The following DNAH14 variants were observed in gnomAD, a reference collection of about 807,000 sequenced individuals.
DNAH14 encodes the protein axonemal beta dynein heavy chain 14.
Under a neutral mutation model 520.9 loss-of-function variants are expected in DNAH14, and 478 were observed. The ratio of observed to expected loss-of-function variants is 0.92; its 90% CI spans 0.85 to 0.99. The LOEUF is 0.99. DNAH14 is among the 50% of genes least tolerant of loss of function. DNAH14 has a pLI of 0.00. For missense variants in DNAH14, 4,831 were observed against 5,234.5 expected (o/e 0.92, Z 2.38); for synonymous variants, 1,581 against 1,757.2 (o/e 0.90, Z 2.51).
intron 1 of DNAH14, among the ~76,000 whole-genome samples, chr1:224,950,555 A>G (rs1200145619): frequency 6.6e-6 from 1 of 152,202 alleles, no homozygotes. Context: ...CAGTTTGATT[A>G]GTAATGAGTT....
intron 84 of DNAH14, 113 bp from the exon 85 acceptor site, chr1:225,398,407 A>G: frequency 7.6e-7 from 1 of 1,313,018 alleles, no homozygotes; most frequent in East Asian, 2.5e-5. Context: ...TTGGGGCAAC[A>G]TGCCTTAGGC....
intron 8 of DNAH14, among the ~76,000 whole-genome samples, chr1:225,001,647 A>G (rs1173438079): frequency 6.6e-6 from 1 of 152,136 alleles, no homozygotes; most frequent in African/African-American, 2.4e-5. Context: ...ATGCAAACCA[A>G]AATTTAATAC....
intron 10 of DNAH14, 125 bp from the exon 11 acceptor site, chr1:225,023,490 G>C: frequency 1.5e-6 from 1 of 669,044 alleles, no homozygotes; most frequent in Non-Finnish European, 2.3e-6. Context: ...TTTGCTTGAG[G>C]TATTAAAATA....
chr1:225,357,685 T>C (rs2095445713), intron 73 of DNAH14: 1 of 658,538 alleles, frequency 1.5e-6, no homozygotes, highest in South Asian at 1.8e-5. Flanking sequence ...AAATGTGCTG[T>C]GTTAAACATA....
intron 41 of DNAH14, among the ~76,000 whole-genome samples, chr1:225,224,438 T>G (rs368587799): frequency 6.6e-6 from 1 of 152,124 alleles, no homozygotes; most frequent in Non-Finnish European, 1.5e-5. Context: ...ATTATCTCCC[T>G]ATATCCAGCT....
At position 225,172,240 on chromosome 1, in the gene DNAH14, A is replaced by G. The variant is rs865832900; in HGVS notation, c.5535+4212A>G. On this transcript the variant is annotated intron_variant, in intron 36 of 85. Transcript: ENST00000682510. ...CCCTCTCTCACCACTCCTATTCAAC[A>G]TAGTGTTGGCAGTTCTGGCCAGGAT... Among the ~76,000 whole-genome samples, 16 of 152,130 alleles carry G rather than the reference A, an allele frequency of 1.1e-4. No homozygotes were observed. The East Asian group carries it at 1.4e-3, about 13-fold the overall frequency.
Position 225,338,206 on chromosome 1 carries a change from G to C in DNAH14, c.10433+24G>C, listed in dbSNP as rs1438639562. The C allele has an allele frequency of 3.2e-6, 5 of 1,551,732 alleles. No individual in the cohort carries two copies. In the East Asian group the frequency reaches 1.2e-4, roughly 38 times the overall value. On this transcript the variant is annotated intron_variant, in intron 68 of 85. Transcript: ENST00000682510. ...AGGTAATGTGCCACAGCTAAATTGA[G>C]TCAAATGTCTATGCTTTTTAAGATA...
At chr1:225,012,065 G>A (rs1029395064) in intron 10 of DNAH14, among the ~76,000 whole-genome samples, 2 of 151,956 alleles carry the variant, frequency 1.3e-5, no homozygotes, top group Admixed American at 6.5e-5. Context: ...TTACAATTTG[G>A]CATGTTTTTG....
At chr1:225,124,407 T>C (rs1177142014) in intron 27 of DNAH14, among the ~76,000 whole-genome samples, 1 of 152,226 alleles carries the variant, frequency 6.6e-6, no homozygotes, top group Non-Finnish European at 1.5e-5. Flanking sequence ...TCTCAAACTC[T>C]GCCGCTGCTT....
intron 85 of DNAH14, 137 bp from the exon 86 acceptor site, chr1:225,398,917 A>G (rs1164153839): frequency 3.6e-6 from 3 of 832,680 alleles, no homozygotes; most frequent in East Asian, 5.3e-5. Context: ...TAATTTCCAC[A>G]TGCTGTTACA....
At chr1:224,988,738 T>C (rs991824167) in intron 8 of DNAH14, among the ~76,000 whole-genome samples, 3 of 152,212 alleles carry the variant, frequency 2.0e-5, no homozygotes, top group Admixed American at 1.3e-4. Context: ...CTCAAGCTCC[T>C]GTATGCAAGC....
At chr1:225,206,920 A>G (rs1198258066) in intron 40 of DNAH14, 48 bp from the exon 41 acceptor site, 2 of 1,377,368 alleles carry the variant, frequency 1.5e-6, no homozygotes, top group Non-Finnish European at 9.5e-7. Flanking sequence ...GAAGGATACC[A>G]TATTTTTATT....
At chr1:225,111,045 T>A (rs1449491903) in intron 23 of DNAH14, among the ~76,000 whole-genome samples, 1 of 152,122 alleles carries the variant, frequency 6.6e-6, no homozygotes, top group Non-Finnish European at 1.5e-5. Flanking sequence ...GCCTAACATA[T>A]CATTCTTTGA....
At chr1:225,394,127 G>A (rs2095967911) in intron 84 of DNAH14, among the ~76,000 whole-genome samples, 1 of 152,082 alleles carries the variant, frequency 6.6e-6, no homozygotes, top group South Asian at 2.1e-4. Context: ...CCACAGCGAT[G>A]TTATCTTTAT....
intron 27 of DNAH14, 28 bp downstream of exon 27, chr1:225,123,642 A>G: frequency 3.0e-6 from 1 of 333,522 alleles, no homozygotes. Context: ...TGATGTATGT[A>G]TACAGGGACA....
At chr1:225,192,933 T>C in intron 38 of DNAH14, 22 bp downstream of exon 38, 2 of 1,503,166 alleles carry the variant, frequency 1.3e-6, no homozygotes, top group South Asian at 1.2e-5. Context: ...ATTGAATGAA[T>C]GTTTTTATTT....
chr1:225,048,953 TC>T (rs1183449872), intron 15 of DNAH14, among the ~76,000 whole-genome samples: 5 of 152,150 alleles, frequency 3.3e-5, no homozygotes, highest in Non-Finnish European at 7.4e-5. Context: ...AATTTTCATT[TC>T]ACTAGTAACA....
At chr1:225,134,368 T>A (rs1223174762) in intron 27 of DNAH14, among the ~76,000 whole-genome samples, 1 of 152,200 alleles carries the variant, frequency 6.6e-6, no homozygotes, top group Admixed American at 6.5e-5. Flanking sequence ...GGCTTTGTCA[T>A]ATATAACTCT....
chr1:225,074,381 A>C (rs1009961370), intron 17 of DNAH14, among the ~76,000 whole-genome samples: 2 of 152,210 alleles, frequency 1.3e-5, no homozygotes, highest in African/African-American at 4.8e-5. Flanking sequence ...GAGTCCACCC[A>C]GTGAGGAGGA....
Sources: gnomAD v4.1 joint callset for allele counts (sites outside exome capture counted in the v4.1 genomes callset) on GRCh38, gnomAD v4.1.1 for gene constraint, MANE v1.5 for transcripts, NCBI Gene and HGNC (gene_info 2026-07-23, HGNC 2026-07-21) for gene names.